The following SYNE1 variants were observed in gnomAD, a reference collection of about 807,000 sequenced individuals.
The protein encoded by SYNE1 is nesprin-1.
SYNE1 carries 616 observed loss-of-function variants against 1,111.0 expected under a neutral mutation model. The observed-to-expected ratio is 0.55, with a 90% CI of 0.52 to 0.59. The LOEUF (loss-of-function observed/expected upper bound fraction) is 0.59. Ranked by LOEUF, SYNE1 falls within the 20% of genes least tolerant of loss-of-function variation. SYNE1 has a pLI of 0.00. For synonymous variants in SYNE1, 3,855 were observed against 3,825.8 expected (o/e 1.01, Z -0.28); for missense variants, 10,006 against 10,417.0 (o/e 0.96, Z 1.72).
chr6:152,502,869 G>T, intron 9 of SYNE1, 127 bp from the exon 10 acceptor site: 1 of 748,516 alleles, frequency 1.3e-6, no homozygotes, highest in Non-Finnish European at 2.2e-6. Flanking sequence ...GTACTATTTA[G>T]AATTTTGGAC....
intron 128 of SYNE1, among the ~76,000 whole-genome samples, chr6:152,187,181 C>T (rs967936880): frequency 2.6e-5 from 4 of 152,116 alleles, no homozygotes; most frequent in East Asian, 1.9e-4. Context: ...ATGTATCCCC[C>T]GTTTTAAAAA....
chr6:152,367,336 A>C lies in SYNE1; in HGVS notation c.9854T>G (p.Phe3285Cys). The change falls in exon 62 of 146, where the codon TTC (phenylalanine) becomes TGC (cysteine). Residue 3285 changes from phenylalanine (F) to cysteine (C), a missense_variant. By Grantham distance (205) the Phe-to-Cys change is radical (BLOSUM62 -2). Around this residue, in one of 7 missense-constraint regions of SYNE1, gnomAD observed 4,955 missense variants for 5,017.2 expected, o/e 0.99. Coordinates refer to ENST00000367255, the MANE Select transcript of SYNE1 (RefSeq NM_182961.4). ...LDRIVAEHNQFSLGIKELQDW... is the reference protein window; with the variant it reads ...LDRIVAEHNQCSLGIKELQDW... The stretch of plus-strand genomic sequence containing the variant: ...TTGTAATTCTTTAATCCCAAGAGAG[A>C]ACTGATTGTGTTCTGCAACGATTCT... 1 of 1,614,166 alleles carries C rather than the reference A, an allele frequency of 6.2e-7. No homozygotes were observed. The highest frequency in any genetic ancestry group is 8.5e-7 in the Non-Finnish European group (1 of 1,180,024).
At chr6:152,196,984 G>C (rs918887276) in intron 127 of SYNE1, among the ~76,000 whole-genome samples, 4 of 152,160 alleles carry the variant, frequency 2.6e-5, no homozygotes, top group African/African-American at 4.8e-5. Context: ...CCTTTGGCTA[G>C]GTCTTGTGTA....
At chr6:152,600,543 T>C (rs186237656) in intron 3 of SYNE1, among the ~76,000 whole-genome samples, 1 of 152,336 alleles carries the variant, frequency 6.6e-6, no homozygotes. Flanking sequence ...CTTTTTTCCC[T>C]TGGGGTTGAA....
At position 152,283,833 on chromosome 6, in the gene SYNE1, C is replaced by G. The variant is rs2094169389; in HGVS notation, c.18207+145G>C. 5 of 758,698 alleles carry G rather than the reference C, an allele frequency of 6.6e-6. No homozygotes were observed. The South Asian group carries it at 7.7e-5, about 12-fold the overall frequency. The allele number at this position is 758,698 out of a possible 1,614,324, so 47.0% of individuals were successfully genotyped here. A position where few individuals can be genotyped will look rare whatever the true frequency, so the allele number is the denominator to read the frequency against. ...TACAGGTGTGAACCACCCCTCCCGGCCGTGGAGACCATTCTTGAAACACAA... is the reference window on the plus strand; with the variant it reads ...TACAGGTGTGAACCACCCCTCCCGGGCGTGGAGACCATTCTTGAAACACAA... On this transcript the variant is annotated intron_variant, in intron 96 of 145. Transcript: ENST00000367255.
At chr6:152,147,614 A>C (rs1056832565) in intron 137 of SYNE1, 1 of 169,748 alleles carries the variant, frequency 5.9e-6, no homozygotes, top group African/African-American at 2.4e-5. Context: ...CACCTGACCA[A>C]CTGCGATTCA....
At chr6:152,525,402 G>A (rs1264481211) in intron 5 of SYNE1, among the ~76,000 whole-genome samples, 1 of 151,654 alleles carries the variant, frequency 6.6e-6, no homozygotes, top group African/African-American at 2.4e-5. Context: ...TCCAAATTAT[G>A]GTAAACATTA....
chr6:152,467,024 A>G (rs1200227515), intron 16 of SYNE1, among the ~76,000 whole-genome samples: 4 of 152,256 alleles, frequency 2.6e-5, no homozygotes, highest in African/African-American at 9.6e-5. Flanking sequence ...CAGAGGAAAC[A>G]TTATTCATGC....
chr6:152,518,158 C>A (rs1404605362), intron 6 of SYNE1, among the ~76,000 whole-genome samples: 1 of 151,008 alleles, frequency 6.6e-6, no homozygotes, highest in Non-Finnish European at 1.5e-5. Flanking sequence ...GAACTACACA[C>A]AAATCCTGTT....
chr6:152,439,774 T>C (rs7770908), intron 32 of SYNE1, among the ~76,000 whole-genome samples: 3,356 of 152,246 alleles, frequency 0.022, 50 homozygotes, highest in Non-Finnish European at 0.035. Context: ...AGACACCGGT[T>C]AGTTCATTTC....
At chr6:152,609,863 T>C (rs1049595995) in intron 3 of SYNE1, among the ~76,000 whole-genome samples, 2 of 152,056 alleles carry the variant, frequency 1.3e-5, no homozygotes, top group African/African-American at 4.8e-5. Flanking sequence ...GGGTCTGGAG[T>C]GGACCTCCAG....
intron 3 of SYNE1, among the ~76,000 whole-genome samples, chr6:152,559,215 C>T (rs2099386503): frequency 6.6e-6 from 1 of 152,086 alleles, no homozygotes; most frequent in African/African-American, 2.4e-5. Flanking sequence ...CCACCTCAGC[C>T]TCCTGAGTAG....
intron 4 of SYNE1, among the ~76,000 whole-genome samples, chr6:152,535,628 T>C (rs1342359070): frequency 1.3e-5 from 2 of 152,188 alleles, no homozygotes; most frequent in Non-Finnish European, 2.9e-5. Flanking sequence ...TAAATAAAGA[T>C]ACAATATTCC....
rs945983332 is a variant in SYNE1 at position 152,218,515 on chromosome 6, T to C, written c.22045-112A>G. 7 of 1,241,268 alleles carry C rather than the reference T, an allele frequency of 5.6e-6. No individual in the cohort carries two copies. In the Admixed American group the frequency reaches 9.5e-5, roughly 17 times the overall value. 76.9% of individuals were successfully genotyped at this position (1,241,268 alleles called of 1,614,324 possible). A position where few individuals can be genotyped will look rare whatever the true frequency, so the allele number is the denominator to read the frequency against. On this transcript the variant is annotated intron_variant, in intron 120 of 145. Transcript: ENST00000367255. The stretch of plus-strand genomic sequence containing the variant: ...ATTAAAATTATTTTTCATATTCTTG[T>C]ATCAAATTGCCATTCTCTAGACGTT...
chr6:152,356,492 T>C (rs908580615), intron 66 of SYNE1, among the ~76,000 whole-genome samples: 1 of 147,828 alleles, frequency 6.8e-6, no homozygotes, highest in Non-Finnish European at 1.5e-5. Context: ...ATAAGTAACA[T>C]AAATGTGTGT....
At chr6:152,432,559 A>C (rs1373972521) in intron 34 of SYNE1, among the ~76,000 whole-genome samples, 1 of 152,124 alleles carries the variant, frequency 6.6e-6, no homozygotes, top group Non-Finnish European at 1.5e-5. Context: ...AAAACATGTA[A>C]TCTTTTTTTC....
Position 152,221,007 on chromosome 6 carries a change from C to T in SYNE1, c.21696G>A (p.Gln7232=), listed in dbSNP as rs2080054150. The change falls in exon 119 of 146, where the codon CAG becomes CAA. Residue 7232 remains glutamine (Q), a synonymous_variant. Coordinates refer to ENST00000367255, the MANE Select transcript of SYNE1 (RefSeq NM_182961.4). ...NLLEEIAEQL[Q]SSKALLQLWQ... ...AAAGCTGAAGTAGGGCCTTGCTGGA[C>T]TGTAGCTGCTCAGCAATCTCTTCCA... is the stretch of plus-strand genomic sequence containing the variant. 6.2e-7 allele frequency: 1 copy of T among 1,614,030 alleles called. No individual in the cohort carries two copies. The highest frequency in any genetic ancestry group is 1.3e-5 in the African/African-American group (1 of 74,930).
chr6:152,612,639 A>G (rs780115296), intron 3 of SYNE1, among the ~76,000 whole-genome samples: 7 of 152,114 alleles, frequency 4.6e-5, no homozygotes, highest in Non-Finnish European at 1.0e-4. Context: ...ATCCCCCCTA[A>G]CTCATTTTAT....
At chr6:152,602,773 A>G (rs1248919471) in intron 3 of SYNE1, among the ~76,000 whole-genome samples, 3 of 152,148 alleles carry the variant, frequency 2.0e-5, no homozygotes, top group Non-Finnish European at 4.4e-5. Context: ...AGTAGCTACT[A>G]TTCATAGAAA....
Sources: gnomAD v4.1 joint callset for allele counts (sites outside exome capture counted in the v4.1 genomes callset) on GRCh38, gnomAD v4.1.1 for gene constraint, gnomAD v4.1.1 regional missense constraint, MANE v1.5 for transcripts, NCBI Gene and HGNC (gene_info 2026-07-23, HGNC 2026-07-21) for gene names.